Variants in CNTLN observed in about 807,000 individuals in gnomAD.
CNTLN encodes the protein centlein.
CNTLN carries 212 observed loss-of-function variants against 180.0 expected under a neutral mutation model. The ratio of observed to expected loss-of-function variants is 1.18; its 90% CI spans 1.05 to 1.32. CNTLN has a LOEUF of 1.32. Among genes scored for constraint, CNTLN ranks in the 40% most tolerant of loss-of-function variants. The pLI, the probability that CNTLN is intolerant of heterozygous loss-of-function variation, is 0.00. For missense variants in CNTLN, 2,095 were observed against 1,610.9 expected, an observed-to-expected ratio of 1.30 and a Z score of -5.14; for synonymous variants, 722 against 563.1, an observed-to-expected ratio of 1.28 and a Z score of -3.99.
intron 5 of CNTLN, among the ~76,000 whole-genome samples, chr9:17,267,660 A>T (rs916751227): frequency 5.9e-5 from 9 of 152,090 alleles, no homozygotes; most frequent in Admixed American, 2.0e-4. Flanking sequence ...ATTCTCCCCG[A>T]CACTTTCAGG....
At chr9:17,363,732 C>T (rs1823588183) in intron 12 of CNTLN, among the ~76,000 whole-genome samples, 1 of 151,930 alleles carries the variant, frequency 6.6e-6, no homozygotes, top group East Asian at 1.9e-4. Flanking sequence ...CTTATTTTAG[C>T]TCATTCAGAT....
intron 7 of CNTLN, among the ~76,000 whole-genome samples, chr9:17,306,087 T>A (rs1818684214): frequency 6.6e-6 from 1 of 151,856 alleles, no homozygotes; most frequent in Admixed American, 6.6e-5. Context: ...TGCAACTGCT[T>A]AAACTGCATG....
intron 5 of CNTLN, among the ~76,000 whole-genome samples, chr9:17,266,170 C>T (rs986783843): frequency 6.6e-6 from 1 of 151,910 alleles, no homozygotes; most frequent in Non-Finnish European, 1.5e-5. Context: ...CTCTTTTGGG[C>T]ATTTAGTGCT....
rs551407225 is a variant in CNTLN, at chr9:17,418,756, G to A, written c.3114+2567G>A. Among the ~76,000 whole-genome samples, 5 of 151,908 alleles carry A rather than the reference G, an allele frequency of 3.3e-5. No individual in the cohort carries two copies. The East Asian group carries it at 9.7e-4, about 29-fold the overall frequency. ...TGAACTTATAGGTCTTGAATTTATT[G>A]TGCATTAATAATTAACATTTAAGAC... On this transcript the variant is annotated intron_variant, in intron 18 of 25. Coordinates refer to ENST00000380647, the MANE Select transcript of CNTLN (RefSeq NM_017738.4).
At chr9:17,146,830 G>A (rs956512088) in intron 2 of CNTLN, among the ~76,000 whole-genome samples, 1 of 151,722 alleles carries the variant, frequency 6.6e-6, no homozygotes, top group African/African-American at 2.4e-5. Context: ...TTTCAAAGTA[G>A]CTTTCTTTAA....
rs559975587 is a variant in CNTLN, at chr9:17,155,429, C to A, written c.449+12053C>A. ...GTTTAAGTCTGCTATAAGCCCCTGA[C>A]TGGGGCTGCTGCCTTTTTTATAGAG... On this transcript the variant is annotated intron_variant, in intron 2 of 25. Transcript: ENST00000380647. Among the ~76,000 whole-genome samples the A allele has an allele frequency of 3.3e-5, 5 of 152,334 alleles. No homozygotes were observed. In the South Asian group the frequency reaches 1.0e-3, roughly 32 times the overall value.
At chr9:17,212,511 A>T (rs1823397912) in intron 2 of CNTLN, among the ~76,000 whole-genome samples, 1 of 152,066 alleles carries the variant, frequency 6.6e-6, no homozygotes, top group African/African-American at 2.4e-5. Context: ...TTGGTCTAAA[A>T]TTCTCCTTTT....
chr9:17,335,223 G>C (rs1820925740), intron 10 of CNTLN, among the ~76,000 whole-genome samples: 2 of 152,134 alleles, frequency 1.3e-5, no homozygotes, highest in South Asian at 4.1e-4. Context: ...CTGAAGATTA[G>C]ATAAAAAATT....
intron 1 of CNTLN, among the ~76,000 whole-genome samples, chr9:17,142,845 G>T (rs971172062): frequency 1.3e-5 from 2 of 152,138 alleles, no homozygotes; most frequent in African/African-American, 4.8e-5. Context: ...TTTGGATTTG[G>T]CAATATAGAG....
chr9:17,267,279 A>T (rs929490140), intron 5 of CNTLN, among the ~76,000 whole-genome samples: 1 of 151,950 alleles, frequency 6.6e-6, no homozygotes, highest in Non-Finnish European at 1.5e-5. Flanking sequence ...AAAGTATTTT[A>T]TTTCTCCTTC....
At chr9:17,365,236 A>C (rs1823715013) in intron 12 of CNTLN, among the ~76,000 whole-genome samples, 1 of 152,068 alleles carries the variant, frequency 6.6e-6, no homozygotes, top group African/African-American at 2.4e-5. Context: ...CGGTTGTTTA[A>C]AAGTGTGTAG....
At chr9:17,444,434 G>T (rs1302653763) in intron 18 of CNTLN, among the ~76,000 whole-genome samples, 3 of 152,188 alleles carry the variant, frequency 2.0e-5, no homozygotes, top group Non-Finnish European at 2.9e-5. Context: ...TGAGGGTACA[G>T]AGTAGTTTCT....
rs566442774 is a variant in CNTLN, at chr9:17,142,410, T to C, written c.361-878T>C. On this transcript the variant is annotated intron_variant, in intron 1 of 25. Transcript: ENST00000380647. ...ATGAATAGATGGCAGTATCAATTTCTGGGAGGGAGAGGGGCAGATTTGTGA... is the reference window on the plus strand; with the variant it reads ...ATGAATAGATGGCAGTATCAATTTCCGGGAGGGAGAGGGGCAGATTTGTGA... Among the ~76,000 whole-genome samples the C allele has an allele frequency of 1.9e-3, 296 of 152,294 alleles. 2 individuals are homozygous for C. Among genetic ancestry groups the C allele is most frequent in the African/African-American group, 6.8e-3 (283 of 41,578 alleles).
At chr9:17,419,249 C>T (rs1315658128) in intron 18 of CNTLN, among the ~76,000 whole-genome samples, 1 of 152,004 alleles carries the variant, frequency 6.6e-6, no homozygotes, top group Non-Finnish European at 1.5e-5. Flanking sequence ...AAAGCAGGTA[C>T]TGTAAATATC....
intron 2 of CNTLN, among the ~76,000 whole-genome samples, chr9:17,177,138 G>T (rs931418800): frequency 1.3e-5 from 2 of 151,868 alleles, no homozygotes; most frequent in Non-Finnish European, 2.9e-5. Flanking sequence ...GGCTGGGCGC[G>T]GTGGCTCACG....
At chr9:17,244,970 G>C (rs114565839) in intron 5 of CNTLN, among the ~76,000 whole-genome samples, 477 of 152,084 alleles carry the variant, frequency 3.1e-3, no homozygotes, top group African/African-American at 0.011. Flanking sequence ...GTAACATTTT[G>C]TTCTTTTTAT....
At chr9:17,516,011 C>T in the CNTLN span, among the ~76,000 whole-genome samples, 1 of 152,204 alleles carries the variant, frequency 6.6e-6, no homozygotes, top group Non-Finnish European at 1.5e-5. Flanking sequence ...CACATCACTA[C>T]AGTGGCCTCA....
Position 17,394,559 on chromosome 9 carries a change from A to T in CNTLN, c.2105A>T (p.Lys702Ile), listed in dbSNP as rs531244072. The change falls in exon 15 of 26, where the codon AAA (lysine) becomes ATA (isoleucine). Residue 702 changes from lysine to isoleucine, a missense_variant. Transcript: ENST00000380647. ...GTCACTGAGTTGGAAAATCGGCTGA[A>T]ATCTTTTGAGAAAAGGTCGAGAAAA... The part of the protein sequence containing the change: ...QKVTELENRL[K>I]SFEKRSRKLK... 1 of 1,583,326 alleles carries T rather than the reference A, an allele frequency of 6.3e-7. No homozygotes were observed. The highest frequency in any genetic ancestry group is 1.9e-5 in the Admixed American group (1 of 52,444).
chr9:17,181,809 C>G (rs1476912680), intron 2 of CNTLN, among the ~76,000 whole-genome samples: 1 of 152,134 alleles, frequency 6.6e-6, no homozygotes, highest in African/African-American at 2.4e-5. Flanking sequence ...TGTATTCTCA[C>G]CCTTTATTAG....
Sources: allele counts gnomAD v4.1 joint callset (sites outside exome capture counted in the v4.1 genomes callset), GRCh38; gene constraint gnomAD v4.1.1; transcripts MANE v1.5; gene names NCBI Gene and HGNC (gene_info 2026-07-23, HGNC 2026-07-21).